SLC27A1: variants seen among roughly 807,000 people sequenced by gnomAD.
The protein encoded by SLC27A1 is long-chain fatty acid transport protein 1.
A neutral mutation model predicts 62.2 loss-of-function variants in SLC27A1; 61 were observed. That is an observed-to-expected ratio of 0.98 (90% confidence interval 0.80 to 1.21). SLC27A1 has a LOEUF of 1.21. SLC27A1 is among the 50% of genes most tolerant of loss of function. The pLI, the probability that SLC27A1 is intolerant of heterozygous loss-of-function variation, is 0.00. For synonymous variants in SLC27A1, 435 were observed against 408.6 expected, an observed-to-expected ratio of 1.06 and a Z score of -0.78; for missense variants, 903 against 932.1, an observed-to-expected ratio of 0.97 and a Z score of 0.41.
At chr19:17,489,265 C>T in intron 6 of SLC27A1, 148 bp downstream of exon 6, 1 of 658,912 alleles carries the variant, frequency 1.5e-6, no homozygotes, top group East Asian at 2.7e-5. Flanking sequence ...CTCTCCCAGC[C>T]AGGCCCCGCC....
rs1308199122 is a variant in SLC27A1 at position 17,506,063 on chromosome 19, G to A, written c.*1451G>A. On this transcript the variant is annotated 3_prime_UTR_variant, in exon 12 of 12. Transcript: ENST00000252595. ...CTCCAGCAGCACCCCCTGGCCCCTGGAGTGGTGGGGCCATGGCAAGAGACA... is the reference window on the plus strand; with the variant it reads ...CTCCAGCAGCACCCCCTGGCCCCTGAAGTGGTGGGGCCATGGCAAGAGACA... The A allele has an allele frequency of 2.6e-5, 4 of 152,278 alleles. No individual in the cohort carries two copies. The highest frequency in any genetic ancestry group is 9.7e-5 in the African/African-American group (4 of 41,450). 9.4% of individuals were successfully genotyped at this position (152,278 alleles called of 1,614,324 possible).
In SLC27A1 at chr19:17,494,199, T is replaced by A. The variant is rs1190557401; in HGVS notation, c.997-3056T>A. 2.0e-5 allele frequency among the ~76,000 whole-genome samples: 3 copies of A among 149,574 alleles called. No homozygotes were observed. The East Asian group carries it at 6.0e-4, about 30-fold the overall frequency. ...ACACCTGGCTAATTTTTTTTTTGTA[T>A]TTTTTAGTACAGACAGGGTTTCACG... On this transcript the variant is annotated intron_variant, in intron 6 of 11. Coordinates refer to ENST00000252595, the MANE Select transcript of SLC27A1 (RefSeq NM_198580.3).
At chr19:17,481,011 T>C (rs1396421430) in intron 1 of SLC27A1, among the ~76,000 whole-genome samples, 2 of 151,910 alleles carry the variant, frequency 1.3e-5, no homozygotes, top group African/African-American at 2.4e-5. Flanking sequence ...CCGCAACCTC[T>C]GCCTCCCGGG....
At chr19:17,501,173 T>G in intron 10 of SLC27A1, 100 bp from the exon 11 acceptor site, 1 of 1,484,054 alleles carries the variant, frequency 6.7e-7, no homozygotes, top group Non-Finnish European at 9.1e-7. Flanking sequence ...TGGGAGAGAC[T>G]GGAGATTACA....
In SLC27A1 at chr19:17,497,293, G is replaced by A; in HGVS notation, c.1035G>A (p.Leu345=). Residue 345 remains leucine, a synonymous_variant, in exon 7 of 12, where the codon CTG becomes CTA. Transcript: ENST00000252595. ...QYIGEICRYL[L]KQPVREAERR... ...TCGGGGAGATCTGCCGCTACCTGCTGAAGCAGCCGGTGCGCGAGGCGGAGA... is the reference window on the plus strand; with the variant it reads ...TCGGGGAGATCTGCCGCTACCTGCTAAAGCAGCCGGTGCGCGAGGCGGAGA... 6.2e-7 allele frequency: 1 copy of A among 1,606,822 alleles called. No homozygotes were observed. The highest frequency in any genetic ancestry group is 8.5e-7 in the Non-Finnish European group (1 of 1,177,842).
intron 1 of SLC27A1, among the ~76,000 whole-genome samples, chr19:17,482,702 G>A (rs771542797): frequency 6.6e-5 from 10 of 151,696 alleles, no homozygotes; most frequent in Non-Finnish European, 1.3e-4. Flanking sequence ...AGCGGGAGGA[G>A]GGTCTGTATC....
rs1041501148 is a variant in SLC27A1 at position 17,489,210 on chromosome 19, C to G, written c.996+93C>G. 18 of 1,045,634 alleles carry G rather than the reference C, an allele frequency of 1.7e-5. 1 individual carries two copies. The South Asian group carries it at 2.5e-4, about 15-fold the overall frequency. 64.8% of individuals were successfully genotyped at this position (1,045,634 alleles called of 1,614,324 possible). ...GCCCCACCTCCTCCCGGTGAGGCCC[C>G]GTACCTCCCAGCAAAGCCCCACCTC... On this transcript the variant is annotated intron_variant, in intron 6 of 11. Coordinates refer to ENST00000252595, the MANE Select transcript of SLC27A1 (RefSeq NM_198580.3).
intron 1 of SLC27A1, among the ~76,000 whole-genome samples, chr19:17,482,099 C>T (rs1234561133): frequency 2.0e-5 from 3 of 152,176 alleles, no homozygotes; most frequent in African/African-American, 7.2e-5. Context: ...GGGTCTTGGG[C>T]GGTCTCCTCC....
chr19:17,486,413 C>A lies in SLC27A1; in HGVS notation c.168-150C>A. On this transcript the variant is annotated intron_variant, in intron 1 of 11. Transcript: ENST00000252595. This position sits in a 1 kb window ranked among gnomAD's most constrained non-coding sequence, Gnocchi z 6.6. ...TTGGTAAATGGCCCTTGCCCTTGGT[C>A]CACTGAGAGATCCAGCCACCAAAAG... The A allele has an allele frequency of 2.2e-6, 2 of 926,394 alleles. No homozygotes were observed. The highest frequency in any genetic ancestry group is 3.1e-6 in the Non-Finnish European group (2 of 637,156). The allele number at this position is 926,394 out of a possible 1,614,324, so 57.4% of individuals were successfully genotyped here. A position where few individuals can be genotyped will look rare whatever the true frequency, so the allele number is the denominator to read the frequency against.
intron 1 of SLC27A1, among the ~76,000 whole-genome samples, chr19:17,470,958 G>C (rs2075070701): frequency 6.6e-6 from 1 of 150,678 alleles, no homozygotes; most frequent in Non-Finnish European, 1.5e-5. Context: ...CCTCTAAGGT[G>C]CTTCGGGCGT....
Position 17,504,798 on chromosome 19 carries a change from C to G in SLC27A1, c.*186C>G. The stretch of plus-strand genomic sequence containing the variant: ...CGTGCCTCTCTGCTGCCTTGGTGCC[C>G]CTGTGTCTGCCTCCTCTCCCTGCTT... On this transcript the variant is annotated 3_prime_UTR_variant, in exon 12 of 12. Transcript: ENST00000252595. 3 of 750,348 alleles carry G rather than the reference C, an allele frequency of 4.0e-6. No individual in the cohort carries two copies. The highest frequency in any genetic ancestry group is 7.0e-6 in the Non-Finnish European group (3 of 429,068). 46.5% of individuals were successfully genotyped at this position (750,348 alleles called of 1,614,324 possible).
In SLC27A1 at chr19:17,504,717, G is replaced by T; in HGVS notation, c.*105G>T. The T allele has an allele frequency of 1.4e-6, 2 of 1,448,310 alleles. No homozygotes were observed. The highest frequency in any genetic ancestry group is 4.8e-5 in the East Asian group (2 of 41,636). 89.7% of individuals were successfully genotyped at this position (1,448,310 alleles called of 1,614,324 possible). On this transcript the variant is annotated 3_prime_UTR_variant, in exon 12 of 12. Transcript: ENST00000252595. ...CCGCCTAGTACACACCCACCTGGCC[G>T]AGCTGTACCTGGCACGGCCCATCCT...
chr19:17,473,226 G>C (rs2075093594), intron 1 of SLC27A1, among the ~76,000 whole-genome samples: 2 of 152,148 alleles, frequency 1.3e-5, no homozygotes, highest in South Asian at 4.1e-4. Context: ...AGCGTGAACT[G>C]CTTTGAACCA....
intron 6 of SLC27A1, among the ~76,000 whole-genome samples, chr19:17,493,628 C>CTTT (rs773482808): frequency 7.0e-6 from 1 of 143,668 alleles, no homozygotes; most frequent in Non-Finnish European, 1.5e-5. Context: ...TAGAACCTTA[C>CTTT]TTTTTTTTTT....
intron 1 of SLC27A1, among the ~76,000 whole-genome samples, chr19:17,482,245 G>A (rs1001130491): frequency 5.3e-5 from 8 of 152,150 alleles, no homozygotes; most frequent in African/African-American, 1.4e-4. Context: ...CCCGCCGGGC[G>A]CAGTGGCTAA....
intron 6 of SLC27A1, chr19:17,495,454 T>C (rs919182496): frequency 1.3e-5 from 2 of 151,964 alleles, no homozygotes; most frequent in Non-Finnish European, 2.9e-5. Flanking sequence ...GCTAATTTTT[T>C]GTATTTTTTA....
Position 17,504,683 on chromosome 19 carries a change from C to A in SLC27A1, c.*71C>A. On this transcript the variant is annotated 3_prime_UTR_variant, in exon 12 of 12. Transcript: ENST00000252595. ...CCAGCTTGAGCCAGACAGCGCTGCC[C>A]AGGGGTGGCCGCCTAGTACACACCC... 6.9e-6 allele frequency: 11 copies of A among 1,593,170 alleles called. No homozygotes were observed. Among genetic ancestry groups the A allele is most frequent in the Non-Finnish European group, 9.4e-6 (11 of 1,169,092 alleles).
In SLC27A1 at chr19:17,489,110, A is replaced by AGTACAG; in HGVS notation, c.989_990insGTACAG (p.Asn330delinsLysTyrSer). 6.2e-7 allele frequency: 1 copy of AGTACAG among 1,613,982 alleles called. No homozygotes were observed. Among genetic ancestry groups the AGTACAG allele is most frequent in the Non-Finnish European group, 8.5e-7 (1 of 1,179,932 alleles). ...TTCTGGGACGACTGCATCAAGTACA[A>AGTACAG]CTGCACGGTCAGGCCCTGCCCTGTT... On this transcript the variant is annotated protein_altering_variant, in exon 6 of 12. Transcript: ENST00000252595.
At chr19:17,476,883 G>GTTTTTTT (rs71162144) in intron 1 of SLC27A1, among the ~76,000 whole-genome samples, 6 of 131,820 alleles carry the variant, frequency 4.6e-5, no homozygotes, top group Non-Finnish European at 6.4e-5. Context: ...ATGATCATCT[G>GTTTTTTT]TTTTTTTTTT....
Sources: gnomAD v4.1 joint callset for allele counts (sites outside exome capture counted in the v4.1 genomes callset) on GRCh38, gnomAD v4.1.1 for gene constraint, Gnocchi (gnomAD v3.1) non-coding constraint, MANE v1.5 for transcripts, NCBI Gene and HGNC (gene_info 2026-07-23, HGNC 2026-07-21) for gene names.